Variants in PXDNL observed in about 807,000 individuals in gnomAD.
The protein encoded by PXDNL is peroxidasin like.
A neutral mutation model predicts 150.8 loss-of-function variants in PXDNL; 145 were observed. The ratio of observed to expected loss-of-function variants is 0.96; its 90% CI spans 0.84 to 1.10. The LOEUF (loss-of-function observed/expected upper bound fraction) is 1.10, where lower values mean the gene tolerates loss of function less well. PXDNL is among the 50% of genes least tolerant of loss of function. PXDNL has a pLI of 0.00. For missense variants in PXDNL, 2,087 were observed against 1,873.9 expected (o/e 1.11, Z -2.10); for synonymous variants, 757 against 725.7 (o/e 1.04, Z -0.69).
rs547803521 is a variant in PXDNL, at chr8:51,725,835, G to A, written c.165-71075C>T. Among the ~76,000 whole-genome samples, 18 of 152,338 alleles carry A rather than the reference G, an allele frequency of 1.2e-4. No individual in the cohort carries two copies. The East Asian group carries it at 3.5e-3, about 29-fold the overall frequency. ...CAGGCAAGTATTCACACACAGGTAA[G>A]ACACAGGTCATCTTACATGTGTAAG... On this transcript the variant is annotated intron_variant, in intron 1 of 22. Transcript: ENST00000356297.
chr8:51,809,109 G>A (rs1270137760), intron 1 of PXDNL, 72 bp downstream of exon 1: 1 of 1,512,684 alleles, frequency 6.6e-7, no homozygotes, highest in African/African-American at 1.4e-5. Context: ...TAAATTAAAA[G>A]GACACAGGTC....
chr8:51,707,140 C>A (rs1816397391), intron 1 of PXDNL, among the ~76,000 whole-genome samples: 1 of 152,158 alleles, frequency 6.6e-6, no homozygotes, highest in African/African-American at 2.4e-5. Flanking sequence ...TCTAGTAGAA[C>A]TGAGCATCTC....
intron 1 of PXDNL, among the ~76,000 whole-genome samples, chr8:51,717,620 A>G (rs1816639908): frequency 6.6e-6 from 1 of 152,194 alleles, no homozygotes; most frequent in African/African-American, 2.4e-5. Flanking sequence ...CACAAGCTAC[A>G]AGGTTGTCCC....
chr8:51,729,253 T>C (rs928811736), intron 1 of PXDNL, among the ~76,000 whole-genome samples: 3 of 152,112 alleles, frequency 2.0e-5, no homozygotes, highest in African/African-American at 7.2e-5. Context: ...AAAGAAAATA[T>C]GTGCAAAATA....
chr8:51,766,240 T>A (rs918506577), intron 1 of PXDNL, among the ~76,000 whole-genome samples: 1 of 152,206 alleles, frequency 6.6e-6, no homozygotes, highest in Non-Finnish European at 1.5e-5. Flanking sequence ...TAGAAAAAAT[T>A]TTGCTCTACA....
At chr8:51,355,602 G>A (rs1806483122) in intron 19 of PXDNL, among the ~76,000 whole-genome samples, 1 of 152,144 alleles carries the variant, frequency 6.6e-6, no homozygotes, top group Non-Finnish European at 1.5e-5. Flanking sequence ...AAATAAATGA[G>A]AGTAAATCAT....
At chr8:51,390,450 T>A (rs978761558) in intron 17 of PXDNL, among the ~76,000 whole-genome samples, 1 of 152,192 alleles carries the variant, frequency 6.6e-6, no homozygotes, top group South Asian at 2.1e-4. Flanking sequence ...CAGCACATTT[T>A]CTGAAATTCT....
rs1816479820 is a variant in PXDNL, at chr8:51,710,643, T to C, written c.165-55883A>G. Among the ~76,000 whole-genome samples the C allele has an allele frequency of 2.0e-5, 3 of 152,316 alleles. No individual in the cohort carries two copies. In the South Asian group the frequency reaches 6.2e-4, roughly 32 times the overall value. The stretch of plus-strand genomic sequence containing the variant: ...GCCGCCATTCTGCTCTCTGGTACTA[T>C]GAATGAGTCTGACCATTTTAGATCC... On this transcript the variant is annotated intron_variant, in intron 1 of 22. Transcript: ENST00000356297.
At chr8:51,427,278 G>A (rs1221461488) in intron 12 of PXDNL, among the ~76,000 whole-genome samples, 3 of 151,976 alleles carry the variant, frequency 2.0e-5, no homozygotes, top group African/African-American at 7.2e-5. Flanking sequence ...AAATCCCCAG[G>A]AAGGAATTAA....
intron 4 of PXDNL, among the ~76,000 whole-genome samples, chr8:51,506,386 C>CA (rs1811289465): frequency 6.6e-6 from 1 of 151,574 alleles, no homozygotes; most frequent in Admixed American, 6.6e-5. Context: ...ACTAAAAATA[C>CA]AAAAATTAGC....
At chr8:51,681,155 T>G (rs73678948) in intron 1 of PXDNL, among the ~76,000 whole-genome samples, 3,999 of 152,196 alleles carry the variant, frequency 0.026, 193 homozygotes, top group African/African-American at 0.091. Flanking sequence ...TGGACCAAAC[T>G]CTTTGTAAGA....
In PXDNL at chr8:51,331,968, A is replaced by T. The variant is rs1161148192; in HGVS notation, c.4146+7656T>A. Among the ~76,000 whole-genome samples the T allele has an allele frequency of 4.6e-5, 7 of 151,912 alleles. No homozygotes were observed. The East Asian group carries it at 1.4e-3, about 29-fold the overall frequency. On this transcript the variant is annotated intron_variant, in intron 21 of 22. Coordinates refer to ENST00000356297, the MANE Select transcript of PXDNL (RefSeq NM_144651.5). ...GTTCTAGGGCCCAGTCCCTCTCTAT[A>T]CTACTACAGCTGATGCTTTCTGCAG...
At chr8:51,326,851 T>C (rs1026431574) in intron 21 of PXDNL, among the ~76,000 whole-genome samples, 3 of 152,138 alleles carry the variant, frequency 2.0e-5, no homozygotes, top group Non-Finnish European at 4.4e-5. Flanking sequence ...CAGAATGTGA[T>C]ATTTTTTGGA....
At chr8:51,553,769 T>C (rs1007226933) in intron 4 of PXDNL, among the ~76,000 whole-genome samples, 24 of 59,304 alleles carry the variant, frequency 4.0e-4, no homozygotes, top group African/African-American at 3.6e-3. Flanking sequence ...TATATATATA[T>C]ATACACACAC....
intron 1 of PXDNL, among the ~76,000 whole-genome samples, chr8:51,668,315 C>T (rs1815431855): frequency 6.6e-6 from 1 of 151,656 alleles, no homozygotes; most frequent in Non-Finnish European, 1.5e-5. Flanking sequence ...GCTGGAACTA[C>T]AGGCGAGCAC....
chr8:51,426,478 A>G (rs557007957), intron 13 of PXDNL, among the ~76,000 whole-genome samples, 168 bp downstream of exon 13: 2 of 152,324 alleles, frequency 1.3e-5, no homozygotes, highest in East Asian at 1.9e-4. Flanking sequence ...TCACTTAAAA[A>G]AAAAAAAGAA....
At chr8:51,577,277 T>C (rs1813076113) in intron 3 of PXDNL, among the ~76,000 whole-genome samples, 1 of 151,732 alleles carries the variant, frequency 6.6e-6, no homozygotes, top group Admixed American at 6.6e-5. Context: ...TTGAGCAATA[T>C]ATTTAAGAAT....
In PXDNL at chr8:51,809,339, C is replaced by A; in HGVS notation, c.6G>T (p.Glu2Asp). Residue 2 changes from glutamate to aspartate, a missense_variant, in exon 1 of 23, where the codon GAG (glutamate) becomes GAT (aspartate). Physicochemically the swap from Glu to Asp is conservative, Grantham distance 45. Coordinates refer to ENST00000356297, the MANE Select transcript of PXDNL (RefSeq NM_144651.5). M[E>D]PRLFCWTTLF... ...GAGTGGTCCAGCAGAACAGTCTGGG[C>A]TCCATCGCTCCATTCGCTGCTGGCC... 2 of 1,535,090 alleles carry A rather than the reference C, an allele frequency of 1.3e-6. No homozygotes were observed. The highest frequency in any genetic ancestry group is 1.8e-6 in the Non-Finnish European group (2 of 1,141,434).
chr8:51,405,140 C>T (rs1335689802), intron 17 of PXDNL, among the ~76,000 whole-genome samples: 2 of 152,178 alleles, frequency 1.3e-5, no homozygotes, highest in Non-Finnish European at 2.9e-5. Context: ...AGAACTGGCG[C>T]TGGCCCGCCC....
Sources: gnomAD v4.1 joint callset for allele counts (sites outside exome capture counted in the v4.1 genomes callset) on GRCh38, gnomAD v4.1.1 for gene constraint, MANE v1.5 for transcripts, NCBI Gene and HGNC (gene_info 2026-07-23, HGNC 2026-07-21) for gene names.